The following CSGALNACT1 variants were observed in gnomAD, a reference collection of about 807,000 sequenced individuals.
CSGALNACT1 encodes beta4GalNAcT-1.
CSGALNACT1 carries 52 observed loss-of-function variants against 51.0 expected under a neutral mutation model. That is an observed-to-expected ratio of 1.02 (90% CI 0.82 to 1.29). The LOEUF is 1.29. CSGALNACT1 is among the 50% of genes most tolerant of loss of function. CSGALNACT1 has a pLI of 0.00. For synonymous variants in CSGALNACT1, 341 were observed against 254.4 expected (o/e 1.34, Z -3.24); for missense variants, 935 against 679.2 (o/e 1.38, Z -4.19).
chr8:19,542,581 A>C (rs1423489341), intron 3 of CSGALNACT1, among the ~76,000 whole-genome samples: 1 of 152,110 alleles, frequency 6.6e-6, no homozygotes, highest in Non-Finnish European at 1.5e-5. Context: ...TTACCAAAAC[A>C]AGAGATGATG....
At chr8:19,634,324 G>A (rs922727616) in intron 1 of CSGALNACT1, among the ~76,000 whole-genome samples, 7 of 152,090 alleles carry the variant, frequency 4.6e-5, no homozygotes, top group African/African-American at 1.4e-4. Context: ...GTTTACATGA[G>A]ATCATGTGGT....
At position 19,757,748 on chromosome 8, in the gene CSGALNACT1, T is replaced by A. The variant is rs1012423308; in HGVS notation, c.-297+102A>T. On this transcript the variant is annotated intron_variant, in intron 1 of 1. Coordinates refer to the CSGALNACT1 transcript ENST00000517494. This position sits in a 1 kb window ranked among gnomAD's most constrained non-coding sequence, Gnocchi z 4.0. ...CCTCCCCGCCGAGCGCCGACTTCCA[T>A]GCAAAAACTTTGTAAATCGCACTTC... 2.6e-5 allele frequency: 4 copies of A among 152,652 alleles called. No homozygotes were observed. The highest frequency in any genetic ancestry group is 9.7e-5 in the African/African-American group (4 of 41,446). The allele number at this position is 152,652 out of a possible 1,614,324, so 9.5% of individuals were successfully genotyped here.
intron 1 of CSGALNACT1, among the ~76,000 whole-genome samples, chr8:19,690,463 A>G (rs1007572657): frequency 2.0e-5 from 3 of 152,260 alleles, no homozygotes; most frequent in African/African-American, 4.8e-5. Context: ...TGTGATATAT[A>G]GAACTATTAA....
At chr8:19,514,125 G>C (rs954189389) in intron 3 of CSGALNACT1, among the ~76,000 whole-genome samples, 10 of 152,128 alleles carry the variant, frequency 6.6e-5, no homozygotes, top group Non-Finnish European at 1.3e-4. Context: ...AGCAACTAAA[G>C]CAGATCAGTA....
intron 3 of CSGALNACT1, among the ~76,000 whole-genome samples, chr8:19,529,920 T>C (rs1186023745): frequency 6.6e-6 from 1 of 152,208 alleles, no homozygotes; most frequent in East Asian, 1.9e-4. Context: ...TCTCATATTT[T>C]ATTTTTTAAA....
chr8:19,661,932 C>CA (rs1473616740), intron 1 of CSGALNACT1, among the ~76,000 whole-genome samples: 3 of 152,096 alleles, frequency 2.0e-5, no homozygotes, highest in Admixed American at 2.0e-4. Flanking sequence ...CCTAATAGTT[C>CA]AAGATTTGGT....
intron 3 of CSGALNACT1, among the ~76,000 whole-genome samples, chr8:19,586,163 G>C (rs539771506): frequency 1.3e-5 from 2 of 152,260 alleles, no homozygotes; most frequent in Admixed American, 1.3e-4. Flanking sequence ...AGGAGTTCGA[G>C]ACTAGCCTGG....
At chr8:19,420,347 T>G in exon 7 of CSGALNACT1, 1 of 1,614,074 alleles carries the variant, frequency 6.2e-7, no homozygotes, top group Non-Finnish European at 8.5e-7. Flanking sequence ...TACCTGGCTG[T>G]GTATTCAGCC....
chr8:19,560,536 A>G (rs2154096247), intron 3 of CSGALNACT1, among the ~76,000 whole-genome samples: 1 of 152,324 alleles, frequency 6.6e-6, no homozygotes, highest in Non-Finnish European at 1.5e-5. Context: ...TCTGCAAACA[A>G]TTCAATAGAT....
At position 19,479,293 on chromosome 8, in the gene CSGALNACT1, A is replaced by G. The variant is rs183499456; in HGVS notation, c.635-20651T>C. ...TCAACGGCCACAGCTATAAAGAAAC[A>G]CACTCCATTGTCTTTGGATGAGAGT... On this transcript the variant is annotated intron_variant, in intron 4 of 9. Transcript: ENST00000454498. 1.8e-3 allele frequency among the ~76,000 whole-genome samples: 273 copies of G among 152,256 alleles called. 1 individual carries two copies. The highest frequency in any genetic ancestry group is 6.3e-3 in the African/African-American group (261 of 41,548).
intron 1 of CSGALNACT1, among the ~76,000 whole-genome samples, chr8:19,724,132 G>A (rs564734669): frequency 2.2e-4 from 33 of 152,210 alleles, no homozygotes; most frequent in South Asian, 1.0e-3. Flanking sequence ...CAAGACCACC[G>A]CTGCCCAGCA....
At chr8:19,603,603 A>G (rs2050901385), upstream of CSGALNACT1, among the ~76,000 whole-genome samples, 1 of 152,234 alleles carries the variant, frequency 6.6e-6, no homozygotes. Flanking sequence ...ATGTTACTTC[A>G]GCGCCTGCAG....
chr8:19,706,438 G>A (rs1290464323), intron 1 of CSGALNACT1, among the ~76,000 whole-genome samples: 1 of 152,154 alleles, frequency 6.6e-6, no homozygotes, highest in East Asian at 1.9e-4. Context: ...GGCAGCCCAT[G>A]AGGTCAAGGA....
intron 1 of CSGALNACT1, among the ~76,000 whole-genome samples, chr8:19,739,418 C>T (rs550475020): frequency 6.6e-6 from 1 of 152,238 alleles, no homozygotes; most frequent in South Asian, 2.1e-4. Context: ...TTACTCTTCT[C>T]TCTGGGTTTG....
chr8:19,733,853 G>A (rs972791459), intron 1 of CSGALNACT1, among the ~76,000 whole-genome samples: 6 of 151,934 alleles, frequency 3.9e-5, no homozygotes, highest in African/African-American at 1.5e-4. Flanking sequence ...GGGAACCTCT[G>A]CTGCCATCCC....
At chr8:19,756,709 C>A (rs1227270677) in intron 1 of CSGALNACT1, among the ~76,000 whole-genome samples, 1 of 152,138 alleles carries the variant, frequency 6.6e-6, no homozygotes, top group Non-Finnish European at 1.5e-5. Flanking sequence ...GAGCGCGCTG[C>A]CCACCGGCCA....
intron 1 of CSGALNACT1, among the ~76,000 whole-genome samples, chr8:19,636,723 C>A (rs2056115881): frequency 6.6e-6 from 1 of 152,156 alleles, no homozygotes; most frequent in African/African-American, 2.4e-5. Flanking sequence ...CTAGAATTCC[C>A]TATTCAATCA....
Position 19,525,376 on chromosome 8 carries a change from G to A in CSGALNACT1, c.-296-19246C>T, listed in dbSNP as rs1053747439. 5.3e-5 allele frequency among the ~76,000 whole-genome samples: 8 copies of A among 151,778 alleles called. No individual in the cohort carries two copies. In the South Asian group the frequency reaches 8.3e-4, roughly 16 times the overall value. On this transcript the variant is annotated intron_variant, in intron 3 of 9. Coordinates refer to ENST00000454498, the Ensembl canonical transcript of CSGALNACT1. The stretch of plus-strand genomic sequence containing the variant: ...CTCAGCACTTTGGGAGGCTGAGGCC[G>A]GCGGATCATTTGAGATCAGGAGTTC...
At position 19,720,332 on chromosome 8, in the gene CSGALNACT1, C is replaced by G. The variant is rs2063051340; in HGVS notation, c.-297+37518G>C. 2.6e-5 allele frequency among the ~76,000 whole-genome samples: 4 copies of G among 152,074 alleles called. No homozygotes were observed. The South Asian group carries it at 8.3e-4, about 31-fold the overall frequency. ...CAGTCCACACATGGTTCTCATGTATCAGGGAGAGATAAGAAACTCGGAGGA... is the reference window on the plus strand; with the variant it reads ...CAGTCCACACATGGTTCTCATGTATGAGGGAGAGATAAGAAACTCGGAGGA... On this transcript the variant is annotated intron_variant, in intron 1 of 1. Coordinates refer to the CSGALNACT1 transcript ENST00000517494.
Sources: gnomAD v4.1 joint callset for allele counts (sites outside exome capture counted in the v4.1 genomes callset) on GRCh38, gnomAD v4.1.1 for gene constraint, Gnocchi (gnomAD v3.1) non-coding constraint, MANE v1.5 for transcripts, NCBI Gene and HGNC (gene_info 2026-07-23, HGNC 2026-07-21) for gene names.